The following SYT1 variants were observed in gnomAD, a reference collection of about 807,000 sequenced individuals.
SYT1 encodes the protein synaptotagmin 1.
Under a neutral mutation model 44.8 loss-of-function variants are expected in SYT1, and 8 were observed. That is an observed-to-expected ratio of 0.18 (90% CI 0.10 to 0.32). The LOEUF is 0.32. SYT1 is among the 10% of genes least tolerant of loss of function. The pLI is 1.00. For synonymous variants in SYT1, 154 were observed against 188.8 expected, an observed-to-expected ratio of 0.82 and a Z score of 1.51; for missense variants, 286 against 509.3, an observed-to-expected ratio of 0.56 and a Z score of 4.22.
At chr12:79,128,389 C>G (rs1043200920) in intron 3 of SYT1, among the ~76,000 whole-genome samples, 1 of 151,586 alleles carries the variant, frequency 6.6e-6, no homozygotes, top group Admixed American at 6.6e-5. Flanking sequence ...CTCAAACAAA[C>G]AAACAAAAAA....
rs116687130 is a variant in SYT1, at chr12:79,362,001, A to G, written c.928+8382A>G. Among the ~76,000 whole-genome samples the G allele has an allele frequency of 2.1e-3, 327 of 152,332 alleles. 2 individuals carry two copies. The highest frequency in any genetic ancestry group is 7.2e-3 in the African/African-American group (299 of 41,582). ...GGGACTCTTTGGGTCAAAATTACATATATAAATACTAAAATTAAAGAAATT... is the reference window on the plus strand; with the variant it reads ...GGGACTCTTTGGGTCAAAATTACATGTATAAATACTAAAATTAAAGAAATT... On this transcript the variant is annotated intron_variant, in intron 9 of 10. Transcript: ENST00000261205.
chr12:79,197,285 C>T (rs755756680), intron 3 of SYT1, among the ~76,000 whole-genome samples: 15 of 152,008 alleles, frequency 9.9e-5, no homozygotes, highest in Non-Finnish European at 1.6e-4. Flanking sequence ...GAAAATATGA[C>T]GCAACTTGGA....
intron 9 of SYT1, among the ~76,000 whole-genome samples, chr12:79,436,550 C>T (rs1293201757): frequency 2.0e-5 from 3 of 152,348 alleles, no homozygotes; most frequent in Non-Finnish European, 2.9e-5. Flanking sequence ...TGAACTGCTA[C>T]TTTCTAGTTC....
intron 9 of SYT1, among the ~76,000 whole-genome samples, chr12:79,367,238 C>G (rs954860004): frequency 1.3e-5 from 2 of 152,112 alleles, no homozygotes; most frequent in South Asian, 2.1e-4. Flanking sequence ...AGAGGAAGAA[C>G]AGAGCCTCTG....
At chr12:79,129,367 C>T (rs1868656703) in intron 3 of SYT1, among the ~76,000 whole-genome samples, 1 of 152,104 alleles carries the variant, frequency 6.6e-6, no homozygotes, top group Admixed American at 6.6e-5. Flanking sequence ...AGATAAAAGG[C>T]ATAGATGCAT....
intron 8 of SYT1, among the ~76,000 whole-genome samples, chr12:79,317,071 A>C (rs1881123531): frequency 6.6e-6 from 1 of 152,264 alleles, no homozygotes; most frequent in Admixed American, 6.5e-5. Context: ...TAAAATAAAC[A>C]ATCGGATACA....
At chr12:79,054,441 T>C (rs1009918204) in intron 3 of SYT1, among the ~76,000 whole-genome samples, 31 of 151,964 alleles carry the variant, frequency 2.0e-4, no homozygotes, top group Middle Eastern at 3.2e-3. Flanking sequence ...TCAAAATGGA[T>C]TATAGCCATA....
chr12:79,124,718 C>T (rs1868349180), intron 3 of SYT1, among the ~76,000 whole-genome samples: 1 of 151,994 alleles, frequency 6.6e-6, no homozygotes, highest in Non-Finnish European at 1.5e-5. Flanking sequence ...AAGACTCTTC[C>T]ATGTGGTAGT....
At chr12:79,230,579 T>C (rs1375914181) in intron 4 of SYT1, among the ~76,000 whole-genome samples, 1 of 152,190 alleles carries the variant, frequency 6.6e-6, no homozygotes, top group Non-Finnish European at 1.5e-5. Flanking sequence ...AAATGTGCAG[T>C]AGGACTCTAT....
At chr12:79,109,228 C>T (rs1878883869) in intron 3 of SYT1, among the ~76,000 whole-genome samples, 1 of 152,196 alleles carries the variant, frequency 6.6e-6, no homozygotes, top group African/African-American at 2.4e-5. Context: ...GGAGGCTCTG[C>T]CAGGGAGCCC....
rs1405731164 is a variant in SYT1 at position 79,299,674 on chromosome 12, A to G, written c.810+123A>G. On this transcript the variant is annotated intron_variant, in intron 8 of 10. Transcript: ENST00000261205. ...GTGGGCCTCTAGTTGTTGACAGCTG[A>G]TAAAATAGGGTCAAGGGCACTGCAC... The G allele has an allele frequency of 3.2e-6, 4 of 1,239,100 alleles. No homozygotes were observed. In the African/African-American group the frequency reaches 6.2e-5, roughly 19 times the overall value. 76.8% of individuals were successfully genotyped at this position (1,239,100 alleles called of 1,614,324 possible).
chr12:79,130,350 A>G (rs768686029), intron 3 of SYT1, among the ~76,000 whole-genome samples: 13 of 152,172 alleles, frequency 8.5e-5, no homozygotes, highest in Non-Finnish European at 1.8e-4. Flanking sequence ...AATAATAACT[A>G]CCTTCTTAAT....
chr12:79,178,583 T>G (rs1313084091), intron 3 of SYT1, among the ~76,000 whole-genome samples: 1 of 151,942 alleles, frequency 6.6e-6, no homozygotes, highest in Non-Finnish European at 1.5e-5. Context: ...GAAACCTGCA[T>G]ATGCTCATTT....
chr12:78,870,923 CTT>C lies in SYT1; in HGVS notation c.-217+5817_-217+5818del, dbSNP rs568925063. ...ATGCAGAGCTGTACTTACGTGAACACTTTTAAAATGCGATACTGAATCTTATA... is the reference window on the plus strand; with the variant it reads ...ATGCAGAGCTGTACTTACGTGAACACTTAAAATGCGATACTGAATCTTATA... On this transcript the variant is annotated intron_variant, in intron 1 of 10. Transcript: ENST00000261205. Among the ~76,000 whole-genome samples the C allele has an allele frequency of 8.5e-5, 13 of 152,122 alleles. No homozygotes were observed. The South Asian group carries it at 2.3e-3, about 27-fold the overall frequency.
intron 8 of SYT1, among the ~76,000 whole-genome samples, chr12:79,307,217 GGGA>G (rs1426189212): frequency 6.6e-6 from 1 of 152,150 alleles, no homozygotes; most frequent in African/African-American, 2.4e-5. Context: ...TACAGAATAA[GGGA>G]GGAGAATGAG....
intron 3 of SYT1, among the ~76,000 whole-genome samples, chr12:79,054,983 AC>A (rs1874824747): frequency 6.6e-6 from 1 of 151,938 alleles, no homozygotes; most frequent in Admixed American, 6.6e-5. Flanking sequence ...TGATACACTA[AC>A]AAAGGAGTCT....
At chr12:78,940,645 C>T (rs1239434361) in intron 1 of SYT1, among the ~76,000 whole-genome samples, 1 of 152,086 alleles carries the variant, frequency 6.6e-6, no homozygotes, top group African/African-American at 2.4e-5. Context: ...GCCTCAGCCT[C>T]CCAAAGTGCT....
At chr12:79,322,321 G>T (rs1471705919) in intron 8 of SYT1, among the ~76,000 whole-genome samples, 2 of 151,924 alleles carry the variant, frequency 1.3e-5, no homozygotes, top group Non-Finnish European at 2.9e-5. Context: ...GGAAACTGCC[G>T]CTGGCCTCAT....
At chr12:79,319,132 C>T (rs1388252528) in intron 8 of SYT1, among the ~76,000 whole-genome samples, 1 of 152,156 alleles carries the variant, frequency 6.6e-6, no homozygotes. Context: ...GCAATGGAAC[C>T]TATGTGTCGC....
Sources: allele counts gnomAD v4.1 joint callset (sites outside exome capture counted in the v4.1 genomes callset), GRCh38; gene constraint gnomAD v4.1.1; transcripts MANE v1.5; gene names NCBI Gene and HGNC (gene_info 2026-07-23, HGNC 2026-07-21).